E2F3: variants seen among roughly 807,000 people sequenced by gnomAD.
The protein encoded by E2F3 is E2F transcription factor 3, also known as transcription factor E2F3.
A neutral mutation model predicts 44.4 loss-of-function variants in E2F3; 11 were observed. The observed-to-expected ratio is 0.25, with a 90% CI of 0.16 to 0.41. E2F3 has a LOEUF of 0.41. Among genes scored for constraint, E2F3 ranks in the 10% least tolerant of loss-of-function variants. E2F3 has a pLI of 1.00. For synonymous variants in E2F3, 249 were observed against 253.0 expected (o/e 0.98, Z 0.15); for missense variants, 487 against 583.6 (o/e 0.83, Z 1.70).
chr6:20,414,839 G>A (rs1421111532), intron 1 of E2F3, among the ~76,000 whole-genome samples: 1 of 152,166 alleles, frequency 6.6e-6, no homozygotes, highest in South Asian at 2.1e-4. Context: ...TATGGAAGGC[G>A]TGTGGACTTG....
At chr6:20,410,527 C>T (rs896079037) in intron 1 of E2F3, among the ~76,000 whole-genome samples, 1 of 152,196 alleles carries the variant, frequency 6.6e-6, no homozygotes, top group Non-Finnish European at 1.5e-5. Flanking sequence ...GTGTCTGGCA[C>T]GTAGGAAGGA....
intron 1 of E2F3, among the ~76,000 whole-genome samples, chr6:20,443,124 G>T (rs377325839): frequency 6.6e-6 from 1 of 152,286 alleles, no homozygotes; most frequent in African/African-American, 2.4e-5. Flanking sequence ...AATTGCTGTG[G>T]GGTACAGTGG....
chr6:20,434,874 G>A (rs992119075), intron 1 of E2F3, among the ~76,000 whole-genome samples: 8 of 152,176 alleles, frequency 5.3e-5, no homozygotes, highest in South Asian at 2.1e-4. Flanking sequence ...AAAGGCACAC[G>A]CATAAAATGA....
chr6:20,480,125 C>A, intron 2 of E2F3, 168 bp downstream of exon 2: 1 of 937,356 alleles, frequency 1.1e-6, no homozygotes, highest in Non-Finnish European at 1.3e-6. Flanking sequence ...AGCAGACAAC[C>A]AGTGAAAGGC....
At position 20,485,024 on chromosome 6, in the gene E2F3, T is replaced by G. The variant is rs887492247; in HGVS notation, c.885-1665T>G. On this transcript the variant is annotated intron_variant, in intron 4 of 6. Transcript: ENST00000346618. ...TTCTAGGGTCTCTAAGCCCCCCCTT[T>G]TTTTTATATTAAACATATTAGATCA... Among the ~76,000 whole-genome samples the G allele has an allele frequency of 1.6e-4, 24 of 152,116 alleles. 1 individual carries two copies. Among genetic ancestry groups the G allele is most frequent in the Non-Finnish European group, 8.8e-5 (6 of 68,018 alleles).
rs1760464961 is a variant in E2F3, at chr6:20,433,248, A to C, written c.393+30623A>C. Among the ~76,000 whole-genome samples, 4 of 152,190 alleles carry C rather than the reference A, an allele frequency of 2.6e-5. No homozygotes were observed. In the South Asian group the frequency reaches 8.3e-4, roughly 32 times the overall value. On this transcript the variant is annotated intron_variant, in intron 1 of 6. Coordinates refer to ENST00000346618, the MANE Select transcript of E2F3 (RefSeq NM_001949.5). The stretch of plus-strand genomic sequence containing the variant: ...TTGTTTTTAAATTCAGACTCTGTGG[A>C]CTCAGTTCAATTCACACAATTGCCA...
intron 1 of E2F3, among the ~76,000 whole-genome samples, chr6:20,425,264 C>T (rs552457370): frequency 7.2e-5 from 11 of 152,004 alleles, no homozygotes; most frequent in Non-Finnish European, 1.3e-4. Flanking sequence ...AACCCTTCCT[C>T]GGCTCTTTTC....
intron 1 of E2F3, among the ~76,000 whole-genome samples, chr6:20,466,131 T>C (rs1189897555): frequency 1.0e-5 from 1 of 96,634 alleles, no homozygotes; most frequent in African/African-American, 3.9e-5. Context: ...GCGGGGGGTG[T>C]GGGCAGAGTC....
chr6:20,406,043 TA>T lies in E2F3; in HGVS notation c.393+3421del, dbSNP rs368660224. The stretch of plus-strand genomic sequence containing the variant: ...AGTGATTGGCTGAACAAAGACCACC[TA>T]AACACTCTGTGTCCAAGAAGAGGTT... On this transcript the variant is annotated intron_variant, in intron 1 of 6. Transcript: ENST00000346618. Among the ~76,000 whole-genome samples the T allele has an allele frequency of 3.5e-3, 526 of 152,304 alleles. 3 individuals are homozygous for T. Among genetic ancestry groups the T allele is most frequent in the African/African-American group, 0.01 (418 of 41,558 alleles).
intron 1 of E2F3, among the ~76,000 whole-genome samples, chr6:20,411,145 G>A (rs917450259): frequency 5.9e-5 from 9 of 152,180 alleles, no homozygotes; most frequent in African/African-American, 2.2e-4. Flanking sequence ...ATAGTGTCAT[G>A]AATAAAACCT....
In E2F3 at chr6:20,481,197, T is replaced by C; in HGVS notation, c.506-9T>C. ...TCCCCCACCCGCTCGGTTTTTGTTT[T>C]TCTTTAAGCTCCAAAATCTCCCTCA... On this transcript the variant is annotated splice_polypyrimidine_tract_variant and intron_variant, in intron 2 of 6. Coordinates refer to ENST00000346618, the MANE Select transcript of E2F3 (RefSeq NM_001949.5). The C allele has an allele frequency of 6.2e-7, 1 of 1,613,146 alleles. No individual in the cohort carries two copies. The highest frequency in any genetic ancestry group is 8.5e-7 in the Non-Finnish European group (1 of 1,179,288).
intron 1 of E2F3, among the ~76,000 whole-genome samples, chr6:20,422,749 A>G (rs1485518450): frequency 6.6e-6 from 1 of 152,250 alleles, no homozygotes; most frequent in Non-Finnish European, 1.5e-5. Context: ...AGCATTCAGA[A>G]CACGCACAAT....
intron 6 of E2F3, 132 bp downstream of exon 6, chr6:20,488,380 C>A: frequency 1.3e-5 from 14 of 1,075,116 alleles, no homozygotes; most frequent in Admixed American, 3.4e-5. Context: ...TTTTAAAAGA[C>A]ATTCTGACTG....
At chr6:20,403,487 C>T (rs1759380594) in intron 1 of E2F3, among the ~76,000 whole-genome samples, 1 of 151,952 alleles carries the variant, frequency 6.6e-6, no homozygotes, top group South Asian at 2.1e-4. Flanking sequence ...CCCGTCCCGC[C>T]GCCTGGGTCT....
Position 20,492,812 on chromosome 6 carries a change from T to C in E2F3, c.*2382T>C, listed in dbSNP as rs1762589597. ...ATGTCCATACTGTATTTTGTTTGCA[T>C]TAAGTAATTTTCTTTTTGACTTAGT... On this transcript the variant is annotated 3_prime_UTR_variant, in exon 7 of 7. Transcript: ENST00000346618. 4.4e-6 allele frequency: 1 copy of C among 226,424 alleles called. No homozygotes were observed. The highest frequency in any genetic ancestry group is 2.2e-5 in the African/African-American group (1 of 44,926). The allele number at this position is 226,424 out of a possible 1,614,324, so 14.0% of individuals were successfully genotyped here.
chr6:20,423,549 C>A (rs1436267900), intron 1 of E2F3, among the ~76,000 whole-genome samples: 3 of 152,140 alleles, frequency 2.0e-5, no homozygotes, highest in Non-Finnish European at 4.4e-5. Flanking sequence ...CGGCTCACTG[C>A]AACCTCTGCC....
chr6:20,444,542 T>C (rs1760876986), intron 1 of E2F3, among the ~76,000 whole-genome samples: 1 of 152,198 alleles, frequency 6.6e-6, no homozygotes, highest in African/African-American at 2.4e-5. Flanking sequence ...CTAGTCTTTT[T>C]TAGAAAGTCT....
intron 1 of E2F3, among the ~76,000 whole-genome samples, chr6:20,460,514 G>A (rs1395267637): frequency 6.6e-6 from 1 of 152,096 alleles, no homozygotes; most frequent in Admixed American, 6.6e-5. Context: ...TATAATATGG[G>A]TATATAAGAT....
intron 1 of E2F3, among the ~76,000 whole-genome samples, chr6:20,422,870 A>G (rs976749542): frequency 8.5e-5 from 13 of 152,250 alleles, no homozygotes; most frequent in African/African-American, 2.9e-4. Flanking sequence ...CACAACAGAC[A>G]TAATAGTAAT....
Sources: gnomAD v4.1 joint callset for allele counts (sites outside exome capture counted in the v4.1 genomes callset) on GRCh38, gnomAD v4.1.1 for gene constraint, MANE v1.5 for transcripts, NCBI Gene and HGNC (gene_info 2026-07-23, HGNC 2026-07-21) for gene names.